Variants in EPHA7 observed in about 807,000 individuals in gnomAD.
EPHA7 encodes the protein ephrin type-A receptor 7.
In EPHA7, 25 loss-of-function variants were observed where a neutral mutation model predicts 112.6. The ratio of observed to expected loss-of-function variants is 0.22; its 90% CI spans 0.16 to 0.31. EPHA7 has a LOEUF of 0.31. Ranked by LOEUF, EPHA7 falls within the 10% of genes least tolerant of loss-of-function variation. The pLI, the probability that EPHA7 is intolerant of heterozygous loss-of-function variation, is 1.00. For synonymous variants in EPHA7, 437 were observed against 406.5 expected (o/e 1.07, Z -0.90); for missense variants, 962 against 1,212.6 (o/e 0.79, Z 3.07).
chr6:93,301,139 T>A (rs1772956894), intron 5 of EPHA7, among the ~76,000 whole-genome samples: 1 of 152,210 alleles, frequency 6.6e-6, no homozygotes, highest in Non-Finnish European at 1.5e-5. Context: ...ATACAGGTGA[T>A]GAAGTGACCC....
chr6:93,355,189 T>G (rs1775885574), intron 5 of EPHA7, among the ~76,000 whole-genome samples: 1 of 152,168 alleles, frequency 6.6e-6, no homozygotes, highest in Admixed American at 6.5e-5. Flanking sequence ...CTAAATCACT[T>G]ATTTTTTGTC....
At chr6:93,329,457 T>C (rs1370269652) in intron 5 of EPHA7, among the ~76,000 whole-genome samples, 1 of 151,404 alleles carries the variant, frequency 6.6e-6, no homozygotes, top group Non-Finnish European at 1.5e-5. Context: ...AGCAACAGCA[T>C]ATGGGCCAAG....
intron 5 of EPHA7, among the ~76,000 whole-genome samples, chr6:93,283,240 G>A (rs1380711813): frequency 1.3e-5 from 2 of 152,250 alleles, no homozygotes; most frequent in Non-Finnish European, 2.9e-5. Context: ...CTAATCTAGT[G>A]GGGACATGGA....
At chr6:93,272,160 T>C (rs1330578747) in intron 6 of EPHA7, 138 bp downstream of exon 6, 2 of 872,202 alleles carry the variant, frequency 2.3e-6, no homozygotes, top group Non-Finnish European at 3.6e-6. Flanking sequence ...GAGATGGTTA[T>C]TATAAATGGC....
chr6:93,364,889 A>G (rs1776432979), intron 3 of EPHA7, among the ~76,000 whole-genome samples: 1 of 152,196 alleles, frequency 6.6e-6, no homozygotes, highest in Admixed American at 6.6e-5. Flanking sequence ...GAGGAGTAAT[A>G]ATTTTATCAC....
At chr6:93,261,927 A>G (rs1038889383) in intron 9 of EPHA7, among the ~76,000 whole-genome samples, 3 of 151,506 alleles carry the variant, frequency 2.0e-5, no homozygotes, top group South Asian at 4.1e-4. Context: ...CCATGTTTCA[A>G]CTGACCTTCT....
At chr6:93,280,994 C>G (rs1582439662) in intron 5 of EPHA7, among the ~76,000 whole-genome samples, 1 of 152,046 alleles carries the variant, frequency 6.6e-6, no homozygotes, top group Non-Finnish European at 1.5e-5. Flanking sequence ...AAATCTTTTG[C>G]AGGAACATAA....
At chr6:93,383,934 T>G (rs1211236095) in intron 3 of EPHA7, among the ~76,000 whole-genome samples, 1 of 152,136 alleles carries the variant, frequency 6.6e-6, no homozygotes, top group Non-Finnish European at 1.5e-5. Flanking sequence ...GGGATCCTCC[T>G]GCCTCAGCCC....
chr6:93,330,356 A>G (rs1774530863), intron 5 of EPHA7, among the ~76,000 whole-genome samples: 1 of 151,236 alleles, frequency 6.6e-6, no homozygotes, highest in South Asian at 2.1e-4. Context: ...ATTGTTAACT[A>G]TATCACACTA....
chr6:93,379,148 T>G (rs1195089038), intron 3 of EPHA7, among the ~76,000 whole-genome samples: 2 of 152,144 alleles, frequency 1.3e-5, no homozygotes, highest in African/African-American at 4.8e-5. Flanking sequence ...TAGTTGGCAC[T>G]ATGATCAGAA....
At position 93,335,487 on chromosome 6, in the gene EPHA7, TA is replaced by T. The variant is rs1774820895; in HGVS notation, c.1324+21229del. On this transcript the variant is annotated intron_variant, in intron 5 of 16. Transcript: ENST00000369303. ...AAAGTTCTCAGTATCATTAAGGACATAAGGAAATACTTTTTAAAAAGTGAAA... is the reference window on the plus strand; with the variant it reads ...AAAGTTCTCAGTATCATTAAGGACATAGGAAATACTTTTTAAAAAGTGAAA... 2.0e-5 allele frequency among the ~76,000 whole-genome samples: 3 copies of T among 152,008 alleles called. No homozygotes were observed. In the South Asian group the frequency reaches 6.2e-4, roughly 31 times the overall value.
intron 1 of EPHA7, among the ~76,000 whole-genome samples, chr6:93,416,808 G>C (rs916768253): frequency 1.3e-5 from 2 of 152,108 alleles, no homozygotes; most frequent in Admixed American, 1.3e-4. Flanking sequence ...GGGCTAGACT[G>C]GGGGCGCGCC....
intron 3 of EPHA7, among the ~76,000 whole-genome samples, chr6:93,358,905 A>G (rs2127947645): frequency 6.6e-6 from 1 of 152,328 alleles, no homozygotes; most frequent in East Asian, 1.9e-4. Flanking sequence ...ATAACTATGT[A>G]AAATTTTTCA....
intron 1 of EPHA7, among the ~76,000 whole-genome samples, chr6:93,417,433 C>A (rs946775347): frequency 6.6e-6 from 1 of 152,322 alleles, no homozygotes; most frequent in African/African-American, 2.4e-5. Flanking sequence ...CCTCCCATCA[C>A]CCCCGCGCCT....
chr6:93,376,486 C>T (rs1178844834), intron 3 of EPHA7, among the ~76,000 whole-genome samples: 1 of 152,144 alleles, frequency 6.6e-6, no homozygotes, highest in African/African-American at 2.4e-5. Context: ...CACCAAATAA[C>T]TGACATGAAT....
intron 5 of EPHA7, among the ~76,000 whole-genome samples, chr6:93,355,397 CAGTT>C (rs558601348): frequency 2.6e-5 from 4 of 152,122 alleles, no homozygotes; most frequent in East Asian, 3.9e-4. Flanking sequence ...AAATAGGTAA[CAGTT>C]GGTTAAAATT....
At chr6:93,374,383 T>C (rs939921423) in intron 3 of EPHA7, among the ~76,000 whole-genome samples, 9 of 152,174 alleles carry the variant, frequency 5.9e-5, no homozygotes, top group African/African-American at 2.2e-4. Flanking sequence ...TGTCTCATGC[T>C]GAGTACATTA....
At chr6:93,311,112 C>CTTTTTTTTTTTTTTTT (rs1434719790) in intron 5 of EPHA7, among the ~76,000 whole-genome samples, 1 of 71,024 alleles carries the variant, frequency 1.4e-5, no homozygotes, top group African/African-American at 6.7e-5. Context: ...TCATGCCCAG[C>CTTTTTTTTTTTTTTTT]TATTTTTTTT....
chr6:93,378,312 A>G (rs932960064), intron 3 of EPHA7, among the ~76,000 whole-genome samples: 1 of 152,082 alleles, frequency 6.6e-6, no homozygotes, highest in Non-Finnish European at 1.5e-5. Context: ...AAGCTACTGA[A>G]GGGATTTTAA....
Sources: gnomAD v4.1 joint callset for allele counts (sites outside exome capture counted in the v4.1 genomes callset) on GRCh38, gnomAD v4.1.1 for gene constraint, MANE v1.5 for transcripts, NCBI Gene and HGNC (gene_info 2026-07-23, HGNC 2026-07-21) for gene names.